The following MRPS27 variants were observed in gnomAD, a reference collection of about 807,000 sequenced individuals.
MRPS27 encodes the protein mitochondrial ribosomal protein S27, also known as small ribosomal subunit protein mS27.
Under a neutral mutation model 48.9 loss-of-function variants are expected in MRPS27, and 43 were observed. That is an observed-to-expected ratio of 0.88 (90% CI 0.69 to 1.13). MRPS27 has a LOEUF of 1.13. MRPS27 is among the 50% of genes most tolerant of loss of function. The pLI is 0.00. For synonymous variants in MRPS27, 188 were observed against 171.9 expected, an observed-to-expected ratio of 1.09 and a Z score of -0.73; for missense variants, 467 against 476.3, an observed-to-expected ratio of 0.98 and a Z score of 0.18.
intron 5 of MRPS27, 136 bp from the exon 6 acceptor site, chr5:72,234,333 T>G (rs979251541): frequency 1.3e-6 from 1 of 786,996 alleles, no homozygotes; most frequent in African/African-American, 1.8e-5. Context: ...TTACAGCATC[T>G]GTGACAGTGA....
chr5:72,234,468 A>G (rs1748149444), intron 5 of MRPS27, among the ~76,000 whole-genome samples: 1 of 151,912 alleles, frequency 6.6e-6, no homozygotes, highest in Non-Finnish European at 1.5e-5. Context: ...ACCTCATCAT[A>G]GCTTAAAAAA....
At position 72,279,071 on chromosome 5, in the gene MRPS27, T is replaced by TC. The variant is rs1198923380; in HGVS notation, c.281+16459dup. ...CTTTTACTTCATATTGCCAAACTAC[T>TC]CTTCAAGGTGACTATATAATTTTAA... On this transcript the variant is annotated intron_variant, in intron 4 of 10. Transcript: ENST00000261413. Among the ~76,000 whole-genome samples, 10 of 152,338 alleles carry TC rather than the reference T, an allele frequency of 6.6e-5. No individual in the cohort carries two copies. In the South Asian group the frequency reaches 2.1e-3, roughly 32 times the overall value.
At chr5:72,259,497 C>T (rs184768122) in intron 4 of MRPS27, among the ~76,000 whole-genome samples, 2 of 151,020 alleles carry the variant, frequency 1.3e-5, no homozygotes, top group African/African-American at 4.9e-5. Context: ...ATCCAATTCC[C>T]TTAGTGGCTT....
chr5:72,253,472 GA>G (rs1294090742), intron 4 of MRPS27, among the ~76,000 whole-genome samples: 3 of 152,068 alleles, frequency 2.0e-5, no homozygotes, highest in African/African-American at 7.2e-5. Flanking sequence ...TGCTTAAAAG[GA>G]AAAATAAAAT....
chr5:72,319,544 T>TC (rs1378185032), intron 1 of MRPS27, among the ~76,000 whole-genome samples: 1 of 140,510 alleles, frequency 7.1e-6, no homozygotes, highest in East Asian at 2.1e-4. Flanking sequence ...TTCCTTTTTT[T>TC]TTTTTTTTTT....
chr5:72,302,963 T>G (rs1750161412), intron 2 of MRPS27, among the ~76,000 whole-genome samples: 1 of 152,228 alleles, frequency 6.6e-6, no homozygotes, highest in African/African-American at 2.4e-5. Context: ...TCATGCCTCT[T>G]TGGGGATTTA....
At chr5:72,259,031 C>G (rs924201814) in intron 4 of MRPS27, among the ~76,000 whole-genome samples, 1 of 152,154 alleles carries the variant, frequency 6.6e-6, no homozygotes. Context: ...TCCCCCTCCC[C>G]CAACCATGGT....
chr5:72,317,467 A>G (rs945691200), intron 1 of MRPS27, among the ~76,000 whole-genome samples: 8 of 151,808 alleles, frequency 5.3e-5, no homozygotes, highest in African/African-American at 1.7e-4. Context: ...CGGAAGGCGG[A>G]GGCCTTCCAG....
chr5:72,312,012 AC>A, intron 2 of MRPS27, among the ~76,000 whole-genome samples: 1 of 152,168 alleles, frequency 6.6e-6, no homozygotes, highest in East Asian at 1.9e-4. Flanking sequence ...TGCGGCTGTA[AC>A]CCCAGCTACT....
chr5:72,248,422 T>C (rs1020599027), intron 4 of MRPS27, among the ~76,000 whole-genome samples: 15 of 152,166 alleles, frequency 9.9e-5, no homozygotes, highest in African/African-American at 2.9e-4. Flanking sequence ...AAAAAAGCCA[T>C]ACTTTAGCTA....
intron 4 of MRPS27, chr5:72,295,286 T>C (rs879159240): frequency 5.6e-6 from 2 of 357,654 alleles, no homozygotes; most frequent in South Asian, 1.4e-4. Context: ...TATAACATCG[T>C]ATACAATACA....
chr5:72,237,944 C>T, intron 5 of MRPS27, 70 bp downstream of exon 5: 1 of 1,099,662 alleles, frequency 9.1e-7, no homozygotes. Context: ...CTTTGCTGTA[C>T]TACAATAGGT....
intron 3 of MRPS27, among the ~76,000 whole-genome samples, chr5:72,296,497 A>G (rs992292030): frequency 2.0e-5 from 3 of 152,204 alleles, no homozygotes; most frequent in African/African-American, 7.2e-5. Context: ...TAAATAGGAT[A>G]AAGGCACTGG....
intron 4 of MRPS27, among the ~76,000 whole-genome samples, chr5:72,275,946 T>C (rs528924843): frequency 8.2e-4 from 124 of 151,776 alleles, no homozygotes; most frequent in African/African-American, 2.9e-3. Flanking sequence ...CTGGTACTGA[T>C]AACGCTTGGT....
At chr5:72,277,981 G>A (rs1385485113) in intron 4 of MRPS27, among the ~76,000 whole-genome samples, 2 of 152,116 alleles carry the variant, frequency 1.3e-5, no homozygotes, top group African/African-American at 2.4e-5. Flanking sequence ...TAGCTAATGC[G>A]TGCTGGGCTT....
chr5:72,281,742 A>G (rs1749539434), intron 4 of MRPS27, among the ~76,000 whole-genome samples: 1 of 152,234 alleles, frequency 6.6e-6, no homozygotes, highest in Non-Finnish European at 1.5e-5. Context: ...ACCTGCTATT[A>G]TTCAGCAAAT....
In MRPS27 at chr5:72,268,986, G is replaced by A. The variant is rs112733849; in HGVS notation, c.281+26545C>T. Among the ~76,000 whole-genome samples the A allele has an allele frequency of 1.2e-3, 184 of 152,294 alleles. 1 individual carries two copies. The highest frequency in any genetic ancestry group is 4.2e-3 in the African/African-American group (174 of 41,572). ...GCCCATTACTGAATGATGTAAACTA[G>A]TCAGTTCTGGGGCTAGCAGCTCAGA... is the stretch of plus-strand genomic sequence containing the variant. On this transcript the variant is annotated intron_variant, in intron 4 of 10. Coordinates refer to ENST00000261413, the MANE Select transcript of MRPS27 (RefSeq NM_015084.3).
At chr5:72,221,778 C>T (rs1307675326) in intron 10 of MRPS27, among the ~76,000 whole-genome samples, 1 of 152,246 alleles carries the variant, frequency 6.6e-6, no homozygotes, top group Non-Finnish European at 1.5e-5. Flanking sequence ...CGTCTGCCTG[C>T]TGTGCTCCAC....
At chr5:72,221,708 T>C (rs933324942) in intron 10 of MRPS27, among the ~76,000 whole-genome samples, 5 of 152,218 alleles carry the variant, frequency 3.3e-5, no homozygotes, top group African/African-American at 1.2e-4. Context: ...CTGGCATTCC[T>C]CTCAACAGAC....
Sources: gnomAD v4.1 joint callset for allele counts (sites outside exome capture counted in the v4.1 genomes callset) on GRCh38, gnomAD v4.1.1 for gene constraint, MANE v1.5 for transcripts, NCBI Gene and HGNC (gene_info 2026-07-23, HGNC 2026-07-21) for gene names.